Variants in ACSM2A observed in about 807,000 individuals in gnomAD.
ACSM2A encodes acyl-coenzyme A synthetase ACSM2A, mitochondrial.
Under a neutral mutation model 76.6 loss-of-function variants are expected in ACSM2A, and 72 were observed. The ratio of observed to expected loss-of-function variants is 0.94; its 90% CI spans 0.78 to 1.14. The LOEUF is 1.14. Among genes scored for constraint, ACSM2A ranks in the 50% most tolerant of loss-of-function variants. ACSM2A has a pLI of 0.00. For synonymous variants in ACSM2A, 249 were observed against 255.9 expected, an observed-to-expected ratio of 0.97 and a Z score of 0.26; for missense variants, 684 against 708.5, an observed-to-expected ratio of 0.97 and a Z score of 0.39.
At chr16:20,453,301 G>A (rs1473136932) in intron 1 of ACSM2A, 2 of 151,774 alleles carry the variant, frequency 1.3e-5, no homozygotes, top group South Asian at 2.1e-4. Context: ...AACATAAATT[G>A]TGAAGATTTC....
chr16:20,473,062 G>A (rs1442553255), intron 6 of ACSM2A, among the ~76,000 whole-genome samples: 1 of 152,102 alleles, frequency 6.6e-6, no homozygotes, highest in Non-Finnish European at 1.5e-5. Context: ...TGCTTATGAA[G>A]ATACACCCTA....
At position 20,475,394 on chromosome 16, in the gene ACSM2A, G is replaced by T; in HGVS notation, c.927G>T (p.Met309Ile). The T allele has an allele frequency of 1.1e-5, 18 of 1,613,772 alleles. No individual in the cohort carries two copies. Among genetic ancestry groups the T allele is most frequent in the Non-Finnish European group, 1.5e-5 (18 of 1,179,736 alleles). Residue 309 changes from methionine to isoleucine, a missense_variant, in exon 7 of 14, where the codon ATG (methionine) becomes ATT (isoleucine). This residue lies in a region of ACSM2A where 519 missense variants were observed against 549.5 expected (regional missense o/e 0.94). Coordinates refer to ENST00000573854, the MANE Select transcript of ACSM2A (RefSeq NM_001308172.2). ...TLSSYPIKSMMGAPIVYRMLL... is the reference protein window; with the variant it reads ...TLSSYPIKSMIGAPIVYRMLL... ...CCAGTTATCCAATCAAGAGTATGAT[G>T]GGTGCCCCCATTGTTTACCGGATGT...
intron 8 of ACSM2A, chr16:20,476,550 C>G (rs560288784): frequency 1.0e-6 from 1 of 985,410 alleles, no homozygotes; most frequent in Admixed American, 6.1e-5. Context: ...TTGTGGCAAG[C>G]ATACCCTGGC....
chr16:20,476,019 C>G, intron 8 of ACSM2A: 1 of 1,071,906 alleles, frequency 9.3e-7, no homozygotes, highest in East Asian at 3.7e-5. Flanking sequence ...TAAGAAATAT[C>G]TAGCATGGCA....
In ACSM2A at chr16:20,471,089, C is replaced by T; in HGVS notation, c.613C>T (p.His205Tyr). The change falls in exon 5 of 14, where the codon CAT becomes TAT. Residue 205 changes from histidine (H) to tyrosine (Y), a missense_variant. By Grantham distance (83) the His-to-Tyr change is moderately conservative. This residue lies in a region of ACSM2A where 519 missense variants were observed against 549.5 expected (regional missense o/e 0.94). Coordinates refer to ENST00000573854, the MANE Select transcript of ACSM2A (RefSeq NM_001308172.2). ...CTCTGTCAGTGAGGCATCCACCACTCATCACTGTGTGGAGACTGGAAGCCA... is the reference window on the plus strand; with the variant it reads ...CTCTGTCAGTGAGGCATCCACCACTTATCACTGTGTGGAGACTGGAAGCCA... ...KKLLNEASTT[H>Y]HCVETGSQEA... 3.7e-6 allele frequency: 6 copies of T among 1,613,550 alleles called. No individual in the cohort carries two copies. Among genetic ancestry groups the T allele is most frequent in the South Asian group, 3.3e-5 (3 of 91,012 alleles).
In ACSM2A at chr16:20,480,914, G is replaced by C. The variant is rs768256697; in HGVS notation, c.1502G>C (p.Arg501Pro). The change falls in exon 12 of 14, where the codon CGA (arginine) becomes CCA (proline). Residue 501 changes from arginine to proline, a missense_variant. By Grantham distance (103) the Arg-to-Pro change is moderately radical. This residue lies in a region of ACSM2A where 159 missense variants were observed against 132.5 expected (regional missense o/e 1.20). Transcript: ENST00000573854. ...GTGATCAGCAGCCCAGACCCCGTCC[G>C]AGGAGAGGTGATGGGGAAGCAGTAG... is the stretch of plus-strand genomic sequence containing the variant. Reference protein sequence around the residue: ...TAVISSPDPVRGEVVKAFVVL... With the variant: ...TAVISSPDPVPGEVVKAFVVL... 1.2e-6 allele frequency: 2 copies of C among 1,613,900 alleles called. No homozygotes were observed. The highest frequency in any genetic ancestry group is 2.2e-5 in the South Asian group (2 of 91,066).
At chr16:20,480,786 T>C (rs773773334) in intron 11 of ACSM2A, 36 bp from the exon 12 acceptor site, 1 of 1,613,756 alleles carries the variant, frequency 6.2e-7, no homozygotes, top group South Asian at 1.1e-5. Flanking sequence ...AGAGGTTCGG[T>C]GTCCAGTGTT....
intron 3 of ACSM2A, among the ~76,000 whole-genome samples, chr16:20,467,563 G>A (rs190816833): frequency 2.7e-4 from 41 of 152,270 alleles, no homozygotes; most frequent in African/African-American, 9.4e-4. Context: ...GGCAATTGGG[G>A]GGTGAACTAA....
chr16:20,474,480 C>T (rs1039653400), intron 6 of ACSM2A, among the ~76,000 whole-genome samples: 3 of 152,130 alleles, frequency 2.0e-5, no homozygotes, highest in African/African-American at 4.8e-5. Context: ...AGGCTCTCAC[C>T]AGATGCAGCT....
intron 8 of ACSM2A, chr16:20,476,460 C>A (rs1189402329): frequency 1.0e-6 from 1 of 985,460 alleles, no homozygotes; most frequent in Non-Finnish European, 1.2e-6. Flanking sequence ...CTTGGAAGAA[C>A]TTTTGCAGAA....
chr16:20,465,844 T>C, intron 3 of ACSM2A, 117 bp downstream of exon 3: 1 of 1,447,566 alleles, frequency 6.9e-7, no homozygotes, highest in Non-Finnish European at 9.1e-7. Context: ...CTGTCCTGTA[T>C]CATATGAAGA....
chr16:20,461,816 A>T (rs1200027436), intron 2 of ACSM2A, among the ~76,000 whole-genome samples: 2 of 152,206 alleles, frequency 1.3e-5, no homozygotes, highest in East Asian at 3.8e-4. Context: ...CAGAAAAAAT[A>T]GTTTAATTAT....
intron 1 of ACSM2A, among the ~76,000 whole-genome samples, chr16:20,454,038 T>C (rs2011963236): frequency 8.4e-6 from 1 of 118,760 alleles, no homozygotes; most frequent in Non-Finnish European, 1.7e-5. Flanking sequence ...TTTACTGCCC[T>C]TTGAAGCATG....
intron 3 of ACSM2A, among the ~76,000 whole-genome samples, chr16:20,468,175 A>G (rs1408816558): frequency 6.6e-6 from 1 of 152,126 alleles, no homozygotes; most frequent in Admixed American, 6.5e-5. Flanking sequence ...AGATGTGTCT[A>G]TTGTTCTGTG....
chr16:20,470,575 G>A (rs1408575812), intron 4 of ACSM2A, among the ~76,000 whole-genome samples: 2 of 152,108 alleles, frequency 1.3e-5, no homozygotes, highest in Non-Finnish European at 2.9e-5. Context: ...GCTTTTAAAG[G>A]CTCAAAATCA....
At chr16:20,461,766 C>T (rs1285285064) in intron 2 of ACSM2A, among the ~76,000 whole-genome samples, 1 of 152,140 alleles carries the variant, frequency 6.6e-6, no homozygotes, top group African/African-American at 2.4e-5. Context: ...TTTTATGCAC[C>T]TGTCTTGTTA....
intron 1 of ACSM2A, among the ~76,000 whole-genome samples, chr16:20,456,812 C>T (rs1484946948): frequency 6.8e-5 from 10 of 147,308 alleles, no homozygotes; most frequent in African/African-American, 2.5e-4. Context: ...CAGAGCAGAA[C>T]TAAATGAAAT....
At chr16:20,479,288 A>AAAT (rs1288955153) in intron 10 of ACSM2A, among the ~76,000 whole-genome samples, 2 of 152,214 alleles carry the variant, frequency 1.3e-5, no homozygotes, top group Admixed American at 6.5e-5. Flanking sequence ...TAAACTAAAT[A>AAAT]AACAATAAAT....
intron 2 of ACSM2A, among the ~76,000 whole-genome samples, chr16:20,464,183 A>AC (rs1416014222): frequency 6.6e-6 from 1 of 152,160 alleles, no homozygotes; most frequent in Non-Finnish European, 1.5e-5. Context: ...GACGTTCCGA[A>AC]CTTTTCCTCA....
Sources: allele counts gnomAD v4.1 joint callset (sites outside exome capture counted in the v4.1 genomes callset), GRCh38; gene constraint gnomAD v4.1.1; regional missense constraint gnomAD v4.1.1; transcripts MANE v1.5; gene names NCBI Gene and HGNC (gene_info 2026-07-23, HGNC 2026-07-21).